PGR: variants seen among roughly 807,000 people sequenced by gnomAD.
PGR encodes nuclear receptor subfamily 3 group C member 3.
A neutral mutation model predicts 76.1 loss-of-function variants in PGR; 25 were observed. The observed-to-expected ratio is 0.33, with a 90% CI of 0.24 to 0.46. The LOEUF is 0.46. Among genes scored for constraint, PGR ranks in the 20% least tolerant of loss-of-function variants. PGR has a pLI of 1.00. For missense variants in PGR, 1,172 were observed against 1,225.3 expected (o/e 0.96, Z 0.65); for synonymous variants, 579 against 535.0 (o/e 1.08, Z -1.14).
At chr11:101,122,147 C>A in intron 2 of PGR, among the ~76,000 whole-genome samples, 1 of 82,696 alleles carries the variant, frequency 1.2e-5, no homozygotes, top group African/African-American at 4.2e-5. Context: ...AGCGAGACTC[C>A]GTCTCAAAAA....
At chr11:101,056,763 C>T (rs1365701066) in intron 4 of PGR, among the ~76,000 whole-genome samples, 1 of 150,962 alleles carries the variant, frequency 6.6e-6, no homozygotes, top group Admixed American at 6.6e-5. Context: ...GTAATTGAAA[C>T]AGATAATCTA....
At chr11:101,127,336 G>A in intron 1 of PGR, 98 bp downstream of exon 1, 4 of 903,232 alleles carry the variant, frequency 4.4e-6, no homozygotes, top group Non-Finnish European at 6.2e-6. Context: ...GGGGAGCGCA[G>A]CGGTGCGCTG....
chr11:101,103,463 A>G (rs546441264), intron 2 of PGR, among the ~76,000 whole-genome samples: 1 of 152,252 alleles, frequency 6.6e-6, no homozygotes, highest in East Asian at 1.9e-4. Context: ...TTACCCCCGC[A>G]TGTTACTAAA....
intron 3 of PGR, among the ~76,000 whole-genome samples, chr11:101,076,919 A>ATTTTTT (rs59106149): frequency 4.6e-5 from 3 of 65,130 alleles, no homozygotes; most frequent in Non-Finnish European, 6.6e-5. Flanking sequence ...TACAAATGGA[A>ATTTTTT]TTTTTTTTTT....
At chr11:101,113,764 G>A (rs1345516366) in intron 2 of PGR, among the ~76,000 whole-genome samples, 1 of 152,132 alleles carries the variant, frequency 6.6e-6, no homozygotes, top group Non-Finnish European at 1.5e-5. Context: ...ACCAGCCTAG[G>A]GATTTATGGA....
At chr11:101,059,857 A>AAG (rs1302309781) in intron 4 of PGR, among the ~76,000 whole-genome samples, 27,115 of 138,376 alleles carry the variant, frequency 0.2, 3,592 homozygotes, top group Non-Finnish European at 0.29. Context: ...AAAAAAAAAA[A>AAG]AAAAGAAAAA....
intron 2 of PGR, among the ~76,000 whole-genome samples, chr11:101,097,019 AC>A (rs2135464180): frequency 1.3e-5 from 2 of 152,182 alleles, no homozygotes; most frequent in Non-Finnish European, 2.9e-5. Flanking sequence ...AGGGGAGTTC[AC>A]CCCACTAGGA....
chr11:101,126,197 T>C (rs1257940224), intron 1 of PGR, 39 bp from the exon 2 acceptor site: 1 of 1,599,284 alleles, frequency 6.3e-7, no homozygotes, highest in Non-Finnish European at 8.6e-7. Context: ...TATTTTTAAG[T>C]GCACCACTAT....
At position 101,112,216 on chromosome 11, in the gene PGR, G is replaced by A. The variant is rs549409850; in HGVS notation, c.1789+13791C>T. On this transcript the variant is annotated intron_variant, in intron 2 of 7. Coordinates refer to ENST00000325455, the MANE Select transcript of PGR (RefSeq NM_000926.4). ...GAAGAAAATGTGTTAGAAGAGTTTT[G>A]CTGTAAAAGAAGAAAAATGATTGGT... Among the ~76,000 whole-genome samples, 13 of 152,276 alleles carry A rather than the reference G, an allele frequency of 8.5e-5. No individual in the cohort carries two copies. The South Asian group carries it at 1.2e-3, about 15-fold the overall frequency.
intron 2 of PGR, among the ~76,000 whole-genome samples, chr11:101,099,957 T>C (rs943158910): frequency 2.0e-5 from 3 of 152,182 alleles, no homozygotes; most frequent in African/African-American, 7.2e-5. Context: ...TATTTGTTCT[T>C]CCCTTTAGGC....
rs150084437 is a variant in PGR, at chr11:101,031,266, ACGGGG to A, written c.*7845_*7849del. 8.3e-3 allele frequency: 1,847 copies of A among 223,514 alleles called. 34 individuals are homozygous for A. Among genetic ancestry groups the A allele is most frequent in the African/African-American group, 0.039 (1,765 of 44,938 alleles). 13.8% of individuals were successfully genotyped at this position (223,514 alleles called of 1,614,324 possible). ...AAGACTTAAATATGAGATGATAGCA[ACGGGG>A]GTCTATGACCAGGCATAACTAACAA... On this transcript the variant is annotated 3_prime_UTR_variant, in exon 8 of 8. Coordinates refer to ENST00000325455, the MANE Select transcript of PGR (RefSeq NM_000926.4).
intron 2 of PGR, among the ~76,000 whole-genome samples, chr11:101,100,350 T>C (rs919694271): frequency 1.2e-4 from 19 of 152,326 alleles, no homozygotes; most frequent in African/African-American, 4.1e-4. Context: ...TGGGCCATGA[T>C]TGTAAGTTTC....
intron 3 of PGR, among the ~76,000 whole-genome samples, chr11:101,069,644 T>A (rs1224119824): frequency 6.6e-6 from 1 of 152,058 alleles, no homozygotes; most frequent in Admixed American, 6.6e-5. Flanking sequence ...ATAAAGAAAA[T>A]GTGGCACATA....
chr11:101,128,326 C>T lies in PGR; in HGVS notation c.745G>A (p.Ala249Thr). Residue 249 changes from alanine (A) to threonine (T), a missense_variant, in exon 1 of 8, where the codon GCT becomes ACT. Physicochemically the swap from Ala to Thr is moderately conservative, Grantham distance 58. Transcript: ENST00000325455. ...GGGACAGCCGCGGCTCCTCCTCCAG[C>T]CGCCGCGCCACCCAGAGCCCGAGGT... ...GKPRALGGAA[A>T]GGGAAAVPPG... 2 of 1,596,094 alleles carry T rather than the reference C, an allele frequency of 1.3e-6. No homozygotes were observed. Among genetic ancestry groups the T allele is most frequent in the Non-Finnish European group, 1.7e-6 (2 of 1,177,000 alleles).
intron 6 of PGR, among the ~76,000 whole-genome samples, chr11:101,042,772 G>T (rs910346118): frequency 6.6e-6 from 1 of 152,118 alleles, no homozygotes; most frequent in Non-Finnish European, 1.5e-5. Flanking sequence ...TGAATCACAT[G>T]CATCTTTTTG....
At chr11:101,111,045 T>A (rs1214446916) in intron 2 of PGR, among the ~76,000 whole-genome samples, 1 of 152,224 alleles carries the variant, frequency 6.6e-6, no homozygotes, top group Admixed American at 6.5e-5. Context: ...AAACATAACT[T>A]TTTTAGATAC....
At chr11:101,047,457 C>T (rs935450137) in intron 6 of PGR, among the ~76,000 whole-genome samples, 4 of 152,108 alleles carry the variant, frequency 2.6e-5, no homozygotes, top group African/African-American at 7.2e-5. Context: ...TGCTCTGTCA[C>T]CAAATTAGCC....
In PGR at chr11:101,110,014, C is replaced by T. The variant is rs534465458; in HGVS notation, c.1789+15993G>A. On this transcript the variant is annotated intron_variant, in intron 2 of 7. Coordinates refer to ENST00000325455, the MANE Select transcript of PGR (RefSeq NM_000926.4). Reference sequence around the variant, plus strand: ...TGGAACAACAAAGCCTGAGTGACAGCACATCTATTTACAGCATGGTCCACT... The same window carrying T: ...TGGAACAACAAAGCCTGAGTGACAGTACATCTATTTACAGCATGGTCCACT... Among the ~76,000 whole-genome samples, 3 of 152,214 alleles carry T rather than the reference C, an allele frequency of 2.0e-5. No individual in the cohort carries two copies. In the South Asian group the frequency reaches 6.2e-4, roughly 32 times the overall value.
At chr11:101,100,468 C>T (rs371791110) in intron 2 of PGR, among the ~76,000 whole-genome samples, 16 of 152,052 alleles carry the variant, frequency 1.1e-4, no homozygotes, top group South Asian at 2.1e-4. Flanking sequence ...CAGACTAATA[C>T]GGTTAGTGGA....
Sources: gnomAD v4.1 joint callset for allele counts (sites outside exome capture counted in the v4.1 genomes callset) on GRCh38, gnomAD v4.1.1 for gene constraint, MANE v1.5 for transcripts, NCBI Gene and HGNC (gene_info 2026-07-23, HGNC 2026-07-21) for gene names.